The following C12orf42 variants were observed in gnomAD, a reference collection of about 807,000 sequenced individuals.
C12orf42 encodes the protein chromosome 12 open reading frame 42.
Under a neutral mutation model 21.6 loss-of-function variants are expected in C12orf42, and 25 were observed. The observed-to-expected ratio is 1.16, with a 90% CI of 0.84 to 1.62. The LOEUF (loss-of-function observed/expected upper bound fraction) is 1.62, where lower values mean the gene tolerates loss of function less well. Among genes scored for constraint, C12orf42 ranks in the 40% most tolerant of loss-of-function variants. The pLI is 0.00. For synonymous variants in C12orf42, 174 were observed against 175.0 expected, an observed-to-expected ratio of 0.99 and a Z score of 0.05; for missense variants, 483 against 459.3, an observed-to-expected ratio of 1.05 and a Z score of -0.47.
the C12orf42 span, among the ~76,000 whole-genome samples, chr12:103,053,558 T>C: frequency 1.1e-3 from 165 of 152,130 alleles, no homozygotes; most frequent in East Asian, 2.1e-3. Context: ...TTAAGTTTTA[T>C]CCTCTTTACA....
chr12:103,232,512 TC>T, the C12orf42 span, among the ~76,000 whole-genome samples: 5 of 152,026 alleles, frequency 3.3e-5, no homozygotes, highest in Non-Finnish European at 7.4e-5. Flanking sequence ...ATCGAGACCA[TC>T]CTGGCTAACA....
intron 5 of C12orf42, among the ~76,000 whole-genome samples, chr12:103,275,046 A>G (rs1030741463): frequency 2.6e-5 from 4 of 152,140 alleles, no homozygotes; most frequent in Admixed American, 1.3e-4. Context: ...TATTTTATTT[A>G]CAAGCTTTAT....
At chr12:103,172,016 TTAGG>T in the C12orf42 span, among the ~76,000 whole-genome samples, 1 of 151,998 alleles carries the variant, frequency 6.6e-6, no homozygotes, top group South Asian at 2.1e-4. Flanking sequence ...CCAGAATGAA[TTAGG>T]TAGGGCACAA....
the C12orf42 span, among the ~76,000 whole-genome samples, chr12:103,184,937 A>G: frequency 6.6e-6 from 1 of 152,152 alleles, no homozygotes; most frequent in Non-Finnish European, 1.5e-5. Flanking sequence ...TAAAGAAGCC[A>G]TCTGCAAGCC....
At chr12:103,481,523 T>C (rs1244999392) in intron 1 of C12orf42, among the ~76,000 whole-genome samples, 1 of 151,960 alleles carries the variant, frequency 6.6e-6, no homozygotes, top group African/African-American at 2.4e-5. Context: ...AAATTCTTTT[T>C]TTATTGGTAT....
At chr12:103,435,856 A>G (rs1259064469) in intron 2 of C12orf42, among the ~76,000 whole-genome samples, 1 of 151,984 alleles carries the variant, frequency 6.6e-6, no homozygotes, top group African/African-American at 2.4e-5. Context: ...AACTTCCCCA[A>G]TCTAGCAAGG....
chr12:103,119,016 T>C, the C12orf42 span, among the ~76,000 whole-genome samples: 3 of 152,058 alleles, frequency 2.0e-5, no homozygotes, highest in East Asian at 3.9e-4. Context: ...TTAGTTCTCC[T>C]TTCACTCTCA....
intron 2 of C12orf42, among the ~76,000 whole-genome samples, chr12:103,475,454 A>G (rs1872016482): frequency 6.6e-6 from 1 of 152,244 alleles, no homozygotes; most frequent in Admixed American, 6.5e-5. Context: ...GAAAATGTTC[A>G]ACAATACCAG....
intron 4 of C12orf42, among the ~76,000 whole-genome samples, chr12:103,359,559 G>T (rs1449489274): frequency 1.3e-5 from 2 of 151,984 alleles, no homozygotes; most frequent in East Asian, 3.9e-4. Context: ...ATTACATGTT[G>T]TATAGTTTCA....
At chr12:103,313,052 T>C (rs764006146) in intron 4 of C12orf42, among the ~76,000 whole-genome samples, 2 of 152,180 alleles carry the variant, frequency 1.3e-5, no homozygotes, top group African/African-American at 2.4e-5. Flanking sequence ...TGTCTTTTCC[T>C]CTCTCTCATG....
intron 4 of C12orf42, among the ~76,000 whole-genome samples, chr12:103,338,686 G>A (rs1256734802): frequency 6.6e-6 from 1 of 151,800 alleles, no homozygotes; most frequent in Non-Finnish European, 1.5e-5. Flanking sequence ...TTATTCTATT[G>A]CCTACAGTTC....
chr12:103,524,955 G>GTT, the C12orf42 span, among the ~76,000 whole-genome samples: 535 of 90,628 alleles, frequency 5.9e-3, 4 homozygotes, highest in African/African-American at 0.022. Flanking sequence ...GTTCTTTTTA[G>GTT]TTTTTTTGGG....
intron 10 of C12orf42, among the ~76,000 whole-genome samples, chr12:103,254,117 A>C (rs900633362): frequency 6.6e-6 from 1 of 152,116 alleles, no homozygotes; most frequent in Non-Finnish European, 1.5e-5. Flanking sequence ...TGAGATTTAC[A>C]TTTAAGTCTT....
At chr12:103,516,080 C>T in the C12orf42 span, among the ~76,000 whole-genome samples, 1 of 152,084 alleles carries the variant, frequency 6.6e-6, no homozygotes, top group African/African-American at 2.4e-5. Context: ...AAAATTACTG[C>T]AACAAAATCA....
chr12:103,050,280 G>A, the C12orf42 span, among the ~76,000 whole-genome samples: 3 of 150,930 alleles, frequency 2.0e-5, no homozygotes, highest in Admixed American at 6.6e-5. Flanking sequence ...AATAAGGCAC[G>A]ATATATTGCT....
the C12orf42 span, among the ~76,000 whole-genome samples, chr12:103,142,689 G>C: frequency 1.3e-5 from 2 of 152,142 alleles, no homozygotes; most frequent in Non-Finnish European, 2.9e-5. Flanking sequence ...AATGCAGGGG[G>C]ATAGCAGTCA....
intron 4 of C12orf42, among the ~76,000 whole-genome samples, chr12:103,341,153 T>C (rs1211417720): frequency 1.4e-5 from 2 of 144,366 alleles, no homozygotes; most frequent in African/African-American, 2.6e-5. Flanking sequence ...CAATAAAAAT[T>C]ATCCAAAATA....
At chr12:103,413,144 A>C (rs1230716525) in intron 2 of C12orf42, among the ~76,000 whole-genome samples, 3 of 152,196 alleles carry the variant, frequency 2.0e-5, no homozygotes, top group Admixed American at 2.0e-4. Flanking sequence ...ACATGGGTGA[A>C]AGCTGGTGAA....
chr12:103,061,894 C>A, the C12orf42 span, among the ~76,000 whole-genome samples: 5 of 151,236 alleles, frequency 3.3e-5, no homozygotes, highest in Non-Finnish European at 5.9e-5. Flanking sequence ...TTAGTTTTCT[C>A]CTGTTTTATA....
Sources: gnomAD v4.1 joint callset for allele counts (sites outside exome capture counted in the v4.1 genomes callset) on GRCh38, gnomAD v4.1.1 for gene constraint, MANE v1.5 for transcripts, NCBI Gene and HGNC (gene_info 2026-07-23, HGNC 2026-07-21) for gene names.